The following ZBTB20 variants were observed in gnomAD, a reference collection of about 807,000 sequenced individuals.
The protein encoded by ZBTB20 is zinc finger and BTB domain containing 20.
Under a neutral mutation model 56.9 loss-of-function variants are expected in ZBTB20, and 9 were observed. That is an observed-to-expected ratio of 0.16 (90% CI 0.10 to 0.28). The LOEUF (loss-of-function observed/expected upper bound fraction) is 0.28. Ranked by LOEUF, ZBTB20 falls within the 10% of genes least tolerant of loss-of-function variation. The pLI is 1.00. For synonymous variants in ZBTB20, 417 were observed against 420.7 expected, an observed-to-expected ratio of 0.99 and a Z score of 0.11; for missense variants, 655 against 1,003.0, an observed-to-expected ratio of 0.65 and a Z score of 4.69.
intron 4 of ZBTB20, among the ~76,000 whole-genome samples, chr3:114,821,215 G>A (rs1044509727): frequency 6.6e-6 from 1 of 152,106 alleles, no homozygotes; most frequent in African/African-American, 2.4e-5. Context: ...CCCTCCAAAC[G>A]TCTGCAGTCA....
chr3:115,047,586 A>T (rs2108420591), intron 2 of ZBTB20, among the ~76,000 whole-genome samples: 1 of 152,338 alleles, frequency 6.6e-6, no homozygotes, highest in South Asian at 2.1e-4. Context: ...CTACTGATGT[A>T]TTTTTGTGAA....
At chr3:114,594,252 T>C (rs1400279038) in intron 6 of ZBTB20, among the ~76,000 whole-genome samples, 1 of 151,246 alleles carries the variant, frequency 6.6e-6, no homozygotes, top group Non-Finnish European at 1.5e-5. Flanking sequence ...CAAGCAAACA[T>C]AATTTCTCAT....
In ZBTB20 at chr3:115,081,910, C is replaced by G. The variant is rs149148923; in HGVS notation, c.-702-10496G>C. ...ATCACTGACTGGCAGGAATGTATCT[C>G]AGACACAATAGTTACAGTGTCTGAT... On this transcript the variant is annotated intron_variant, in intron 1 of 11. Transcript: ENST00000675478. 2.6e-4 allele frequency among the ~76,000 whole-genome samples: 40 copies of G among 152,244 alleles called. No individual in the cohort carries two copies. In the East Asian group the frequency reaches 4.4e-3, roughly 17 times the overall value.
intron 5 of ZBTB20, among the ~76,000 whole-genome samples, chr3:114,732,636 T>C (rs1318517213): frequency 5.3e-5 from 8 of 152,170 alleles, no homozygotes; most frequent in Admixed American, 5.2e-4. Flanking sequence ...CAGCTTTGTA[T>C]TTTTCAGTCT....
chr3:114,846,162 C>G (rs931723), intron 4 of ZBTB20, among the ~76,000 whole-genome samples: 94,670 of 151,638 alleles, frequency 0.62, 31,334 homozygotes, highest in East Asian at 0.8. Flanking sequence ...ATGTGTGTGT[C>G]TGTGTGTTTG....
At chr3:115,128,792 T>C (rs1420795925) in intron 1 of ZBTB20, among the ~76,000 whole-genome samples, 2 of 150,396 alleles carry the variant, frequency 1.3e-5, no homozygotes, top group Non-Finnish European at 3.0e-5. Flanking sequence ...GAGCAAAGAC[T>C]GTTGTTCCTT....
intron 1 of ZBTB20, among the ~76,000 whole-genome samples, chr3:115,074,596 CA>C (rs1249687479): frequency 2.0e-5 from 3 of 152,156 alleles, no homozygotes; most frequent in Non-Finnish European, 2.9e-5. Flanking sequence ...CTGCCTTAAA[CA>C]ACTAAAAATC....
chr3:114,903,842 C>T (rs922609625), intron 3 of ZBTB20, among the ~76,000 whole-genome samples: 3 of 151,850 alleles, frequency 2.0e-5, no homozygotes, highest in Non-Finnish European at 2.9e-5. Flanking sequence ...GGAGATCCTG[C>T]AGATGACCAG....
chr3:114,759,080 T>G (rs2068241805), intron 5 of ZBTB20: 1 of 152,182 alleles, frequency 6.6e-6, no homozygotes, highest in Non-Finnish European at 1.5e-5. Flanking sequence ...TTCTTCTAAC[T>G]TGCATATTCA....
intron 5 of ZBTB20, among the ~76,000 whole-genome samples, chr3:114,755,928 T>C (rs2067978484): frequency 6.6e-6 from 1 of 152,334 alleles, no homozygotes; most frequent in East Asian, 1.9e-4. Flanking sequence ...AACAAGCTTT[T>C]CTCTTTAACT....
chr3:114,551,373 C>T (rs753703979), intron 6 of ZBTB20, among the ~76,000 whole-genome samples: 14 of 152,094 alleles, frequency 9.2e-5, no homozygotes, highest in Non-Finnish European at 1.8e-4. Context: ...AGGGATTAGA[C>T]AAATTTATAG....
intron 1 of ZBTB20, among the ~76,000 whole-genome samples, chr3:115,105,808 G>A (rs1366038286): frequency 6.6e-6 from 1 of 151,450 alleles, no homozygotes; most frequent in Non-Finnish European, 1.5e-5. Flanking sequence ...AAGGATTTGT[G>A]TATTTTGGGG....
At chr3:114,658,942 T>C (rs1442864763) in intron 6 of ZBTB20, 1 of 152,218 alleles carries the variant, frequency 6.6e-6, no homozygotes, top group African/African-American at 2.4e-5. Context: ...CAAAAACAAA[T>C]GAATAGCAAC....
chr3:114,835,461 G>T (rs1436956883), intron 4 of ZBTB20, among the ~76,000 whole-genome samples: 3 of 152,042 alleles, frequency 2.0e-5, no homozygotes, highest in Non-Finnish European at 4.4e-5. Context: ...CTGTGAGTTT[G>T]TGGCATTATG....
intron 6 of ZBTB20, among the ~76,000 whole-genome samples, chr3:114,524,083 G>A (rs1426247633): frequency 6.6e-6 from 1 of 152,126 alleles, no homozygotes; most frequent in East Asian, 1.9e-4. Context: ...TGGTGTTAAA[G>A]GCGCATACAA....
intron 1 of ZBTB20, among the ~76,000 whole-genome samples, chr3:115,137,115 ACTT>A (rs1368986421): frequency 2.6e-5 from 4 of 152,122 alleles, no homozygotes; most frequent in South Asian, 4.1e-4. Context: ...ATTATACTAT[ACTT>A]CTTAATGCAT....
At chr3:114,456,778 T>G (rs1268296959) in intron 7 of ZBTB20, among the ~76,000 whole-genome samples, 1 of 152,202 alleles carries the variant, frequency 6.6e-6, no homozygotes, top group African/African-American at 2.4e-5. Flanking sequence ...CCATCAGATG[T>G]TACTGGAGAG....
chr3:114,674,627 T>C (rs761047333), intron 6 of ZBTB20, among the ~76,000 whole-genome samples: 7 of 152,166 alleles, frequency 4.6e-5, no homozygotes, highest in Admixed American at 6.6e-5. Flanking sequence ...AATTATTTTG[T>C]AAAATGTGAA....
intron 7 of ZBTB20, among the ~76,000 whole-genome samples, chr3:114,410,343 T>C (rs184751208): frequency 6.6e-6 from 1 of 152,176 alleles, no homozygotes; most frequent in East Asian, 1.9e-4. Flanking sequence ...CCAGAGGTAC[T>C]ATTAAGATAA....
Sources: allele counts gnomAD v4.1 joint callset (sites outside exome capture counted in the v4.1 genomes callset), GRCh38; gene constraint gnomAD v4.1.1; transcripts MANE v1.5; gene names NCBI Gene and HGNC (gene_info 2026-07-23, HGNC 2026-07-21).